SASH3: variants seen among roughly 807,000 people sequenced by gnomAD.
The protein encoded by SASH3 is SAM and SH3 domain containing 3, also known as SAM and SH3 domain-containing protein 3.
SASH3 carries 7 observed loss-of-function variants against 26.1 expected under a neutral mutation model. The observed-to-expected ratio is 0.27, with a 90% CI of 0.15 to 0.50. SASH3 has a LOEUF of 0.50. SASH3 is among the 20% of genes least tolerant of loss of function. SASH3 has a pLI of 0.98. For missense variants in SASH3, 231 were observed against 318.3 expected (o/e 0.73, Z 2.09); for synonymous variants, 138 against 136.8 (o/e 1.01, Z -0.06).
intron 7 of SASH3, 126 bp from the exon 8 acceptor site, chrX:129,793,516 G>A: frequency 1.4e-6 from 1 of 724,870 alleles, no homozygotes; most frequent in Non-Finnish European, 2.0e-6. Context: ...CAGCTTCTAA[G>A]CTGGAAGCAG....
chrX:129,789,812 T>G (rs1927199173), intron 3 of SASH3, among the ~76,000 whole-genome samples: 1 of 112,174 alleles, frequency 8.9e-6, no homozygotes, highest in Non-Finnish European at 1.9e-5. Context: ...TGGAGTTGGC[T>G]CGTACTGGGC....
At chrX:129,782,436 C>A (rs757882581) in intron 1 of SASH3, among the ~76,000 whole-genome samples, 2 of 112,194 alleles carry the variant, frequency 1.8e-5, no homozygotes, top group Admixed American at 1.9e-4. Context: ...TCATGGGATG[C>A]CAGGCACGGT....
At chrX:129,791,925 T>C (rs887147723) in intron 4 of SASH3, among the ~76,000 whole-genome samples, 1 of 111,267 alleles carries the variant, frequency 9.0e-6, no homozygotes, top group Non-Finnish European at 1.9e-5. Context: ...GAACATGGAG[T>C]CTAATGGACT....
At chrX:129,789,263 A>C (rs919478100) in intron 3 of SASH3, among the ~76,000 whole-genome samples, 3 of 109,926 alleles carry the variant, frequency 2.7e-5, no homozygotes, top group Non-Finnish European at 5.7e-5. Flanking sequence ...GGCCTGAGGC[A>C]ATCCATCCAC....
At chrX:129,783,669 G>A (rs1234921004) in intron 1 of SASH3, among the ~76,000 whole-genome samples, 6 of 111,773 alleles carry the variant, frequency 5.4e-5, no homozygotes, top group South Asian at 3.7e-4. Context: ...GGCAGGACAC[G>A]GGCATGCGGG....
intron 1 of SASH3, among the ~76,000 whole-genome samples, chrX:129,783,288 A>G (rs1394339075): frequency 2.7e-5 from 3 of 111,343 alleles, no homozygotes; most frequent in Non-Finnish European, 5.7e-5. Context: ...CCTCCCCTGC[A>G]TGGCCCAGCT....
chrX:129,790,562 T>A (rs1336049056), intron 3 of SASH3, among the ~76,000 whole-genome samples: 1 of 111,157 alleles, frequency 9.0e-6, no homozygotes, highest in East Asian at 2.9e-4. Flanking sequence ...CAGGCAGGCC[T>A]GGCACACAGA....
Position 129,794,251 on chromosome X carries a change from A to G in SASH3, c.*419A>G, listed in dbSNP as rs1927292529. On this transcript the variant is annotated 3_prime_UTR_variant, in exon 8 of 8. Coordinates refer to ENST00000356892, the MANE Select transcript of SASH3 (RefSeq NM_018990.4). Reference sequence around the variant, plus strand: ...GAAAAGGGGGCCAAGTCAATGTTTCAGGTCAGTCTAAAAACCCTAGGGAAG... The same window carrying G: ...GAAAAGGGGGCCAAGTCAATGTTTCGGGTCAGTCTAAAAACCCTAGGGAAG... 2 of 158,230 alleles carry G rather than the reference A, an allele frequency of 1.3e-5. No individual in the cohort carries two copies. Among genetic ancestry groups the G allele is most frequent in the Non-Finnish European group, 1.2e-5 (1 of 81,542 alleles). The allele number at this position is 158,230 out of a possible 1,213,427, so 13.0% of individuals were successfully genotyped here.
rs755806451 is a variant in SASH3, at chrX:129,780,226, G to T, written c.57+72G>T. On this transcript the variant is annotated intron_variant, in intron 1 of 7. Coordinates refer to ENST00000356892, the MANE Select transcript of SASH3 (RefSeq NM_018990.4). ...CGACCCATCCCTTCCAAGACTCTTG[G>T]AAGTGGGAAGAGCCAAAGGCCATAT... 333 of 1,007,556 alleles carry T rather than the reference G, an allele frequency of 3.3e-4. No homozygotes were observed. The African/African-American group carries it at 5.2e-3, about 16-fold the overall frequency. 83.0% of individuals were successfully genotyped at this position (1,007,556 alleles called of 1,213,427 possible).
intron 2 of SASH3, 67 bp downstream of exon 2, chrX:129,788,137 G>GGGGGGGGGGTTGGC: frequency 2.8e-6 from 1 of 354,275 alleles, no homozygotes; most frequent in East Asian, 6.3e-5. Flanking sequence ...GGGTGGGAGG[G>GGGGGGGGGGTTGGC]AAGAGGGTGA....
Position 129,780,091 on chromosome X carries a change from G to A in SASH3, c.-7G>A, listed in dbSNP as rs957306633. The A allele has an allele frequency of 8.3e-7, 1 of 1,210,874 alleles. No homozygotes were observed. The highest frequency in any genetic ancestry group is 1.1e-6 in the Non-Finnish European group (1 of 894,657). On this transcript the variant is annotated 5_prime_UTR_variant, in exon 1 of 8. Transcript: ENST00000356892. ...AGCAGGGACGGAGTCTCCCAGGGTG[G>A]AGGACCATGCTGCGCCGCAAGCCCT... is the stretch of plus-strand genomic sequence containing the variant.
intron 2 of SASH3, 67 bp downstream of exon 2, chrX:129,788,137 G>GGGGTCGGC: frequency 2.8e-6 from 1 of 354,277 alleles, no homozygotes; most frequent in Non-Finnish European, 5.4e-6. Flanking sequence ...GGGTGGGAGG[G>GGGGTCGGC]AAGAGGGTGA....
In SASH3 at chrX:129,794,185, C is replaced by G. The variant is rs924041964; in HGVS notation, c.*353C>G. 1.5e-5 allele frequency: 4 copies of G among 259,643 alleles called. No individual in the cohort carries two copies. Among genetic ancestry groups the G allele is most frequent in the African/African-American group, 1.1e-4 (4 of 37,270 alleles). The allele number at this position is 259,643 out of a possible 1,213,427, so 21.4% of individuals were successfully genotyped here. On this transcript the variant is annotated 3_prime_UTR_variant, in exon 8 of 8. Coordinates refer to ENST00000356892, the MANE Select transcript of SASH3 (RefSeq NM_018990.4). The stretch of plus-strand genomic sequence containing the variant: ...CCCTCACCAACAAGGCCTCCAAATC[C>G]TCCTCACCCCCACACCACCTACCCC...
rs377512781 is a variant in SASH3 at position 129,793,773 on chromosome X, G to A, written c.1084G>A (p.Ala362Thr). The A allele has an allele frequency of 4.1e-5, 49 of 1,204,834 alleles. No individual in the cohort carries two copies. The highest frequency in any genetic ancestry group is 8.7e-5 in the African/African-American group (5 of 57,512). The change falls in exon 8 of 8, where the codon GCA (alanine) becomes ACA (threonine). Residue 362 changes from alanine (A) to threonine (T), a missense_variant. Transcript: ENST00000356892. ...FEGSESGRDD[A>T]ELAGTEEQLQ... ...GGGCTCGGAGAGCGGGCGCGATGAC[G>A]CAGAGCTGGCAGGCACTGAGGAGCA...
chrX:129,788,482 G>T lies in SASH3; in HGVS notation c.205G>T (p.Gly69Cys). ...CACCCCAGAAGATGCTGGGAAGAGTGGCAAAAAGCTGGGGAAGAAGTGGAG... is the reference window on the plus strand; with the variant it reads ...CACCCCAGAAGATGCTGGGAAGAGTTGCAAAAAGCTGGGGAAGAAGTGGAG... ...VPTPEDAGKS[G>C]KKLGKKWRAV... The change falls in exon 3 of 8, where the codon GGC becomes TGC. Residue 69 changes from glycine to cysteine, a missense_variant. By Grantham distance (159) the Gly-to-Cys change is radical (BLOSUM62 -3). Coordinates refer to ENST00000356892, the MANE Select transcript of SASH3 (RefSeq NM_018990.4). 1 of 1,211,311 alleles carries T rather than the reference G, an allele frequency of 8.3e-7. No homozygotes were observed. The highest frequency in any genetic ancestry group is 2.2e-5 in the Admixed American group (1 of 46,087).
In SASH3 at chrX:129,794,055, C is replaced by G. The variant is rs1927285934; in HGVS notation, c.*223C>G. The G allele has an allele frequency of 2.6e-6, 1 of 389,270 alleles. No individual in the cohort carries two copies. Among genetic ancestry groups the G allele is most frequent in the Non-Finnish European group, 4.5e-6 (1 of 224,250 alleles). 32.1% of individuals were successfully genotyped at this position (389,270 alleles called of 1,213,427 possible). A position where few individuals can be genotyped will look rare whatever the true frequency, so the allele number is the denominator to read the frequency against. ...AGGGCACATCCCACCTGCCTGAGCC[C>G]CGCCCTCCACCAGCGACTGACAGCG... On this transcript the variant is annotated 3_prime_UTR_variant, in exon 8 of 8. Coordinates refer to ENST00000356892, the MANE Select transcript of SASH3 (RefSeq NM_018990.4).
intron 3 of SASH3, 65 bp downstream of exon 3, chrX:129,788,642 G>C: frequency 3.7e-6 from 4 of 1,083,138 alleles, no homozygotes; most frequent in Non-Finnish European, 5.1e-6. Flanking sequence ...GGCAGAATGT[G>C]AGCATGACCA....
chrX:129,791,498 CG>C (rs1927231401), intron 4 of SASH3, among the ~76,000 whole-genome samples: 1 of 112,076 alleles, frequency 8.9e-6, no homozygotes, highest in Non-Finnish European at 1.9e-5. Context: ...ATGCCCCAGT[CG>C]GGGGTGGGCG....
chrX:129,789,125 GA>G (rs1452628871), intron 3 of SASH3, among the ~76,000 whole-genome samples: 1 of 40,636 alleles, frequency 2.5e-5, no homozygotes, highest in African/African-American at 1.6e-4. Context: ...AAGAAAGAAA[GA>G]AAGAAAGAAA....
Sources: allele counts gnomAD v4.1 joint callset (sites outside exome capture counted in the v4.1 genomes callset), GRCh38; gene constraint gnomAD v4.1.1; transcripts MANE v1.5; gene names NCBI Gene and HGNC (gene_info 2026-07-23, HGNC 2026-07-21).